Variants in MYO1H observed in about 807,000 individuals in gnomAD.
The protein encoded by MYO1H is unconventional myosin-Ih.
Under a neutral mutation model 149.3 loss-of-function variants are expected in MYO1H, and 118 were observed. The ratio of observed to expected loss-of-function variants is 0.79; its 90% confidence interval spans 0.68 to 0.92. The LOEUF is 0.92. Ranked by LOEUF, MYO1H falls within the 40% of genes least tolerant of loss-of-function variation. MYO1H has a pLI of 0.00. For synonymous variants in MYO1H, 447 were observed against 465.2 expected (o/e 0.96, Z 0.50); for missense variants, 1,212 against 1,280.7 (o/e 0.95, Z 0.82).
intron 1 of MYO1H, among the ~76,000 whole-genome samples, chr12:109,363,057 C>T (rs1286880920): frequency 6.6e-6 from 1 of 152,192 alleles, no homozygotes; most frequent in East Asian, 1.9e-4. Flanking sequence ...TCATCTCCCT[C>T]ATAGTTATCT....
chr12:109,417,228 A>G (rs1332301406), intron 15 of MYO1H, among the ~76,000 whole-genome samples: 1 of 152,174 alleles, frequency 6.6e-6, no homozygotes, highest in Non-Finnish European at 1.5e-5. Context: ...TTGCCAGGTC[A>G]TTTTCCAAAG....
At chr12:109,337,226 C>T in the MYO1H span, among the ~76,000 whole-genome samples, 1 of 152,090 alleles carries the variant, frequency 6.6e-6, no homozygotes, top group African/African-American at 2.4e-5. Context: ...CCCCTTTCTA[C>T]TCTCAAAGAA....
At chr12:109,321,632 T>C in the MYO1H span, among the ~76,000 whole-genome samples, 1 of 152,230 alleles carries the variant, frequency 6.6e-6, no homozygotes, top group African/African-American at 2.4e-5. Flanking sequence ...GACTGGACCA[T>C]TTCCAGAATG....
Position 109,435,135 on chromosome 12 carries a change from C to T in MYO1H, c.2140+22C>T, listed in dbSNP as rs774815895. The stretch of plus-strand genomic sequence containing the variant: ...CTAGGTATGATTTCTTTTTCTGTCC[C>T]GATTTCAATAGAATATGAAATGAAC... On this transcript the variant is annotated intron_variant, in intron 21 of 31. Coordinates refer to ENST00000310903, the Ensembl canonical transcript of MYO1H. 32 of 1,483,986 alleles carry T rather than the reference C, an allele frequency of 2.2e-5. 1 individual carries two copies. Among genetic ancestry groups the T allele is most frequent in the Middle Eastern group, 3.4e-4 (2 of 5,800 alleles). The allele number at this position is 1,483,986 out of a possible 1,614,324, so 91.9% of individuals were successfully genotyped here.
At chr12:109,371,670 AG>A (rs1027804973) in intron 1 of MYO1H, among the ~76,000 whole-genome samples, 5 of 152,344 alleles carry the variant, frequency 3.3e-5, no homozygotes, top group Admixed American at 2.0e-4. Flanking sequence ...GCATATCTAG[AG>A]GATAAATATC....
chr12:109,412,037 C>T, intron 14 of MYO1H, 52 bp downstream of exon 14: 2 of 1,267,456 alleles, frequency 1.6e-6, no homozygotes, highest in South Asian at 2.7e-5. Flanking sequence ...ATTGTGTCTC[C>T]ATTTTCTTTA....
At chr12:109,388,099 T>G (rs1007134312) in intron 1 of MYO1H, among the ~76,000 whole-genome samples, 3 of 152,240 alleles carry the variant, frequency 2.0e-5, no homozygotes, top group African/African-American at 4.8e-5. Context: ...GAATTTCCCT[T>G]TCTGGCCCAA....
At chr12:109,331,153 A>T in the MYO1H span, among the ~76,000 whole-genome samples, 2 of 152,188 alleles carry the variant, frequency 1.3e-5, no homozygotes, top group African/African-American at 4.8e-5. Flanking sequence ...TTTCATCATT[A>T]TCCTGATGTT....
intron 1 of MYO1H, among the ~76,000 whole-genome samples, chr12:109,386,995 CGTGTGTGTGTGTGTGT>C (rs55675476): frequency 0.017 from 2,374 of 141,086 alleles, 28 homozygotes; most frequent in Non-Finnish European, 0.024. Flanking sequence ...ATCTCAAGTT[CGTGTGTGTGTGTGTGT>C]GTGTGTGTGT....
chr12:109,447,481 T>C (rs1468832505), exon 32 of MYO1H: 1 of 502,236 alleles, frequency 2.0e-6, no homozygotes, highest in Non-Finnish European at 3.6e-6. Context: ...AACGTGTCAT[T>C]AGAGGGTGGG....
In MYO1H at chr12:109,407,818, C is replaced by CA; in HGVS notation, c.1060_1061insA (p.Leu354HisfsTer6). ...GGTGATCTGCCCGTTGACACTAGAA[C>CA]TCTCTGTCTACGCTAGAGATGCAAT... is the stretch of plus-strand genomic sequence containing the variant. On this transcript the variant is annotated frameshift_variant, in exon 10 of 32. Transcript: ENST00000310903. LOFTEE classifies it high-confidence loss of function. 6.2e-7 allele frequency: 1 copy of CA among 1,613,690 alleles called. No individual in the cohort carries two copies. Among genetic ancestry groups the CA allele is most frequent in the African/African-American group, 1.3e-5 (1 of 75,032 alleles).
the MYO1H span, among the ~76,000 whole-genome samples, chr12:109,324,131 C>A: frequency 6.6e-6 from 1 of 152,082 alleles, no homozygotes; most frequent in Non-Finnish European, 1.5e-5. Flanking sequence ...GATCTCAAGT[C>A]ATACTAAGAC....
chr12:109,401,388 A>G, intron 6 of MYO1H, 116 bp downstream of exon 6: 1 of 1,049,586 alleles, frequency 9.5e-7, no homozygotes, highest in Admixed American at 2.8e-5. Context: ...TATGTGTCCT[A>G]TTGGCTGATT....
intron 21 of MYO1H, among the ~76,000 whole-genome samples, 185 bp from the exon 22 acceptor site, chr12:109,436,303 G>A (rs1229400483): frequency 2.6e-5 from 4 of 152,034 alleles, no homozygotes; most frequent in African/African-American, 9.7e-5. Context: ...GCAGCATCTG[G>A]GAGCCAGGCG....
chr12:109,371,780 A>G (rs993217108), intron 1 of MYO1H, among the ~76,000 whole-genome samples: 1 of 152,184 alleles, frequency 6.6e-6, no homozygotes, highest in Non-Finnish European at 1.5e-5. Context: ...ACACCTTCTC[A>G]CTTGTAATAG....
Position 109,349,743 on chromosome 12 carries a change from G to A in MYO1H, c.12+1771G>A, listed in dbSNP as rs1357895150. On this transcript the variant is annotated intron_variant, in intron 1 of 31. Transcript: ENST00000310903. ...TGGGAGGCCGAGGCAGGCAGATCAC[G>A]AGGTCAGGAGATCGAGACCATCCTG... 4.0e-5 allele frequency among the ~76,000 whole-genome samples: 6 copies of A among 151,072 alleles called. No individual in the cohort carries two copies. In the East Asian group the frequency reaches 7.8e-4, roughly 20 times the overall value.
upstream of MYO1H, among the ~76,000 whole-genome samples, chr12:109,346,460 A>C (rs2048102807): frequency 6.6e-6 from 1 of 152,220 alleles, no homozygotes; most frequent in African/African-American, 2.4e-5. Flanking sequence ...ATATGCAAAA[A>C]TGTATGAAGA....
chr12:109,350,902 A>T (rs1868449339), intron 1 of MYO1H, among the ~76,000 whole-genome samples: 1 of 152,246 alleles, frequency 6.6e-6, no homozygotes, highest in African/African-American at 2.4e-5. Context: ...ATTAGAGCAC[A>T]ATATCTAAAC....
chr12:109,388,304 C>A (rs1348271452), intron 1 of MYO1H, among the ~76,000 whole-genome samples: 2 of 152,160 alleles, frequency 1.3e-5, no homozygotes, highest in Admixed American at 6.5e-5. Context: ...TGTCTAGGTT[C>A]ATTTTCTGGC....
Sources: allele counts gnomAD v4.1 joint callset (sites outside exome capture counted in the v4.1 genomes callset), GRCh38; gene constraint gnomAD v4.1.1; transcripts MANE v1.5; gene names NCBI Gene and HGNC (gene_info 2026-07-23, HGNC 2026-07-21).